The following EBF3 variants were observed in gnomAD, a reference collection of about 807,000 sequenced individuals.
EBF3 encodes transcription factor COE3.
EBF3 carries 18 observed loss-of-function variants against 77.1 expected under a neutral mutation model. The observed-to-expected ratio is 0.23, with a 90% CI of 0.16 to 0.35. EBF3 has a LOEUF of 0.35. Among genes scored for constraint, EBF3 ranks in the 10% least tolerant of loss-of-function variants. EBF3 has a pLI of 1.00. For missense variants in EBF3, 558 were observed against 860.0 expected (o/e 0.65, Z 4.39); for synonymous variants, 350 against 343.5 (o/e 1.02, Z -0.21).
At chr10:129,957,164 G>T in intron 6 of EBF3, 94 bp downstream of exon 6, 2 of 1,137,332 alleles carry the variant, frequency 1.8e-6, no homozygotes, top group Non-Finnish European at 2.6e-6. Flanking sequence ...CTCGACACCA[G>T]CCTCAAAAAT....
chr10:129,868,193 G>T (rs1852165064), intron 8 of EBF3, among the ~76,000 whole-genome samples: 1 of 152,258 alleles, frequency 6.6e-6, no homozygotes, highest in African/African-American at 2.4e-5. Flanking sequence ...TATTACAAAT[G>T]ATTAAGCATT....
rs368801242 is a variant in EBF3 at position 129,867,199 on chromosome 10, G to A, written c.981C>T (p.Thr327=). 1 of 1,614,098 alleles carries A rather than the reference G, an allele frequency of 6.2e-7. No homozygotes were observed. The highest frequency in any genetic ancestry group is 8.5e-7 in the Non-Finnish European group (1 of 1,180,022). Residue 327 remains threonine, a synonymous_variant, in exon 10 of 17, where the codon ACC becomes ACT. Transcript: ENST00000440978. ...AGAACTGCTTGGATTTGTAGGAGAG[G>A]GTCACTTCGACGACGCCAGGAATGT... ...PRHIPGVVEV[T]LSYKSKQFCK...
At position 129,841,034 on chromosome 10, in the gene EBF3, T is replaced by C; in HGVS notation, c.1373-2A>G. 6.4e-7 allele frequency: 1 copy of C among 1,560,370 alleles called. No homozygotes were observed. The highest frequency in any genetic ancestry group is 1.2e-5 in the South Asian group (1 of 86,046). ...TGCTTGTATTGCGACTGTAGCCGAC[T>C]GTTGAAATCCCCCCCCCGGCCAAAA... is the stretch of plus-strand genomic sequence containing the variant. On this transcript the variant is annotated splice_acceptor_variant, in intron 13 of 16. Coordinates refer to ENST00000440978, the MANE Select transcript of EBF3 (RefSeq NM_001375380.1). LOFTEE classifies it high-confidence loss of function. The surrounding 1 kb of genome is among the most constrained non-coding windows in gnomAD (Gnocchi z 4.6).
At position 129,962,939 on chromosome 10, in the gene EBF3, T is replaced by C. The variant is rs769523127; in HGVS notation, c.355+3A>G. The C allele has an allele frequency of 2.5e-6, 4 of 1,613,976 alleles. No individual in the cohort carries two copies. ...GGGCGGCGAGCACGCAGCAGGCACT[T>C]ACCGTTGCTGTACAATAACTGGAGT... On this transcript the variant is annotated splice_donor_region_variant and intron_variant, in intron 3 of 16. Coordinates refer to ENST00000440978, the MANE Select transcript of EBF3 (RefSeq NM_001375380.1).
chr10:129,851,886 G>A (rs751156146), intron 10 of EBF3, among the ~76,000 whole-genome samples: 2 of 152,138 alleles, frequency 1.3e-5, no homozygotes, highest in African/African-American at 4.8e-5. Flanking sequence ...TACATTATTC[G>A]TCCTTTTAGA....
intron 6 of EBF3, among the ~76,000 whole-genome samples, chr10:129,951,995 C>G (rs1858716285): frequency 6.6e-6 from 1 of 152,266 alleles, no homozygotes; most frequent in Non-Finnish European, 1.5e-5. Flanking sequence ...CACACCTGAG[C>G]CCGGCGAAGC....
intron 10 of EBF3, among the ~76,000 whole-genome samples, chr10:129,865,158 G>A (rs1851912091): frequency 6.6e-6 from 1 of 152,188 alleles, no homozygotes; most frequent in South Asian, 2.1e-4. Context: ...TGTGCACCGT[G>A]TGGCTTCAGC....
intron 7 of EBF3, among the ~76,000 whole-genome samples, chr10:129,874,462 GC>G (rs1284084346): frequency 6.6e-6 from 1 of 152,170 alleles, no homozygotes; most frequent in Non-Finnish European, 1.5e-5. Flanking sequence ...TCCAGAAATG[GC>G]ATCCCTGAAT....
intron 7 of EBF3, 49 bp from the exon 8 acceptor site, chr10:129,873,645 AG>A: frequency 6.9e-7 from 1 of 1,452,418 alleles, no homozygotes; most frequent in Non-Finnish European, 9.1e-7. Context: ...AGAAAAGCAG[AG>A]CCCCCTGTTA....
intron 6 of EBF3, among the ~76,000 whole-genome samples, chr10:129,919,843 G>A (rs1856145655): frequency 6.6e-6 from 1 of 152,120 alleles, no homozygotes; most frequent in African/African-American, 2.4e-5. Flanking sequence ...GTTTGGGTTC[G>A]CCACCATGAG....
intron 6 of EBF3, among the ~76,000 whole-genome samples, chr10:129,923,560 T>C (rs1453665601): frequency 6.6e-6 from 1 of 152,138 alleles, no homozygotes; most frequent in Non-Finnish European, 1.5e-5. Flanking sequence ...TTTCAATAAA[T>C]GGTGCTGGGA....
At chr10:129,946,640 G>A (rs1459071962) in intron 6 of EBF3, among the ~76,000 whole-genome samples, 1 of 152,182 alleles carries the variant, frequency 6.6e-6, no homozygotes, top group Non-Finnish European at 1.5e-5. Flanking sequence ...TTGTTGGCGT[G>A]CCACACTGCA....
chr10:129,873,437 G>T lies in EBF3; in HGVS notation c.781+15C>A. The stretch of plus-strand genomic sequence containing the variant: ...AAGCATCGCAAATAAAAAAAGACAT[G>T]TAACATGTGCCTACCATTTTCCAGA... On this transcript the variant is annotated intron_variant, in intron 8 of 16. Transcript: ENST00000440978. The T allele has an allele frequency of 6.7e-7, 1 of 1,503,102 alleles. No homozygotes were observed. Among genetic ancestry groups the T allele is most frequent in the Non-Finnish European group, 8.9e-7 (1 of 1,122,284 alleles). 93.1% of individuals were successfully genotyped at this position (1,503,102 alleles called of 1,614,324 possible).
intron 11 of EBF3, chr10:129,845,451 TATTC>T (rs1307443646): frequency 2.6e-5 from 4 of 152,224 alleles, no homozygotes; most frequent in Non-Finnish European, 5.9e-5. Flanking sequence ...TTATTATGAG[TATTC>T]ATTCTTGTAC....
At chr10:129,926,834 C>T (rs936637604) in intron 6 of EBF3, among the ~76,000 whole-genome samples, 1 of 152,234 alleles carries the variant, frequency 6.6e-6, no homozygotes, top group South Asian at 2.1e-4. Flanking sequence ...GCAGGAGCCA[C>T]GGCCAGCACT....
chr10:129,852,137 T>C (rs11016976), intron 10 of EBF3, among the ~76,000 whole-genome samples: 21,126 of 152,178 alleles, frequency 0.14, 1,563 homozygotes, highest in Middle Eastern at 0.26. Flanking sequence ...GTCATACAAA[T>C]AGAGCCTGAC....
chr10:129,837,998 C>T (rs1349653736), intron 16 of EBF3, 38 bp from the exon 17 acceptor site: 1 of 1,613,482 alleles, frequency 6.2e-7, no homozygotes, highest in Non-Finnish European at 8.5e-7. Flanking sequence ...CTGCAGGCTC[C>T]CCCACGCGCC....
chr10:129,917,552 T>A (rs7904264), intron 6 of EBF3, among the ~76,000 whole-genome samples: 1 of 148,110 alleles, frequency 6.8e-6, no homozygotes, highest in Non-Finnish European at 1.5e-5. Context: ...CAGCTCCTCA[T>A]GAGGCTTGAA....
rs557922803 is a variant in EBF3 at position 129,947,522 on chromosome 10, T to G, written c.554+9736A>C. ...CAGTATATTTGCCTTCCCAATAATTTAATCATTTTCCTTTTATGGCCTATA... is the reference window on the plus strand; with the variant it reads ...CAGTATATTTGCCTTCCCAATAATTGAATCATTTTCCTTTTATGGCCTATA... On this transcript the variant is annotated intron_variant, in intron 6 of 16. Coordinates refer to ENST00000440978, the MANE Select transcript of EBF3 (RefSeq NM_001375380.1). The surrounding 1 kb of genome is among the most constrained non-coding windows in gnomAD (Gnocchi z 4.5). Among the ~76,000 whole-genome samples the G allele has an allele frequency of 6.4e-4, 98 of 152,336 alleles. No homozygotes were observed. The highest frequency in any genetic ancestry group is 2.3e-3 in the African/African-American group (97 of 41,584).
Sources: gnomAD v4.1 joint callset for allele counts (sites outside exome capture counted in the v4.1 genomes callset) on GRCh38, gnomAD v4.1.1 for gene constraint, Gnocchi (gnomAD v3.1) non-coding constraint, MANE v1.5 for transcripts, NCBI Gene and HGNC (gene_info 2026-07-23, HGNC 2026-07-21) for gene names.